The following SYNE1 variants were observed in gnomAD, a reference collection of about 807,000 sequenced individuals.
SYNE1 encodes the protein spectrin repeat containing nuclear envelope protein 1.
SYNE1 carries 616 observed loss-of-function variants against 1,111.0 expected under a neutral mutation model. The ratio of observed to expected loss-of-function variants is 0.55; its 90% CI spans 0.52 to 0.59. The LOEUF (loss-of-function observed/expected upper bound fraction) is 0.59, where lower values mean the gene tolerates loss of function less well. SYNE1 is among the 20% of genes least tolerant of loss of function. The probability of loss-of-function intolerance (pLI) is 0.00; values close to 1 mark genes in which losing one functional copy is unlikely to be tolerated. For synonymous variants in SYNE1, 3,855 were observed against 3,825.8 expected (o/e 1.01, Z -0.28); for missense variants, 10,006 against 10,417.0 (o/e 0.96, Z 1.72).
intron 131 of SYNE1, among the ~76,000 whole-genome samples, chr6:152,162,974 C>A (rs189372373): frequency 6.6e-6 from 1 of 152,046 alleles, no homozygotes; most frequent in African/African-American, 2.4e-5. Context: ...CTTAAATAGT[C>A]TGTAAAATGA....
chr6:152,130,062 C>T (rs531813074), intron 145 of SYNE1, among the ~76,000 whole-genome samples: 2 of 152,202 alleles, frequency 1.3e-5, no homozygotes, highest in African/African-American at 4.8e-5. Context: ...AGCTGTGAGT[C>T]GGCTCTCGGG....
rs140205050 is a variant in SYNE1 at position 152,526,437 on chromosome 6, T to C, written c.130-262A>G. 5.2e-3 allele frequency among the ~76,000 whole-genome samples: 793 copies of C among 152,332 alleles called. 8 individuals are homozygous for C. Among genetic ancestry groups the C allele is most frequent in the African/African-American group, 0.018 (743 of 41,578 alleles). On this transcript the variant is annotated intron_variant, in intron 4 of 145. Transcript: ENST00000367255. The stretch of plus-strand genomic sequence containing the variant: ...CTTAATGTATGTACCAGCTTCTTTC[T>C]AGAAAGTGATTTTTGACAAGGGCAG...
chr6:152,484,636 A>C (rs1198742461), intron 13 of SYNE1, among the ~76,000 whole-genome samples, 199 bp downstream of exon 13: 5 of 152,196 alleles, frequency 3.3e-5, no homozygotes, highest in Non-Finnish European at 5.9e-5. Context: ...AGGCAAGAAA[A>C]TAGCTGTTAA....
At chr6:152,257,319 G>C (rs968728398) in intron 101 of SYNE1, among the ~76,000 whole-genome samples, 2 of 152,138 alleles carry the variant, frequency 1.3e-5, no homozygotes, top group Non-Finnish European at 2.9e-5. Context: ...GATCATTTGA[G>C]GCCAGGAGTT....
At chr6:152,360,358 C>T (rs1452006564) in intron 64 of SYNE1, among the ~76,000 whole-genome samples, 4 of 152,148 alleles carry the variant, frequency 2.6e-5, no homozygotes, top group Non-Finnish European at 5.9e-5. Flanking sequence ...GCCCGAGGAC[C>T]TGCTTTTTAT....
At chr6:152,133,734 T>A (rs1395188434) in intron 142 of SYNE1, 1 of 557,374 alleles carries the variant, frequency 1.8e-6, no homozygotes, top group East Asian at 3.1e-5. Flanking sequence ...TCCACAGTAT[T>A]ATTGGAAGGT....
At chr6:152,472,081 C>A (rs2098808958) in intron 15 of SYNE1, 1 of 604,174 alleles carries the variant, frequency 1.7e-6, no homozygotes, top group Non-Finnish European at 2.9e-6. Context: ...GAAACCATTT[C>A]TGTGATTTCT....
intron 3 of SYNE1, among the ~76,000 whole-genome samples, chr6:152,561,417 A>T (rs2099394915): frequency 1.3e-5 from 2 of 152,310 alleles, no homozygotes; most frequent in South Asian, 4.1e-4. Context: ...GCATTGATGC[A>T]AAAAACTGAC....
At position 152,383,941 on chromosome 6, in the gene SYNE1, A is replaced by C. The variant is rs77348014; in HGVS notation, c.8652+1733T>G. Among the ~76,000 whole-genome samples the C allele has an allele frequency of 5.3e-4, 81 of 152,268 alleles. 1 individual carries two copies. The East Asian group carries it at 0.014, about 27-fold the overall frequency. The stretch of plus-strand genomic sequence containing the variant: ...TCCTCAGGTGGTAATAGTCCTGTGG[A>C]TTCTAGGCAAAGACTTGACCATCAT... On this transcript the variant is annotated intron_variant, in intron 55 of 145. Transcript: ENST00000367255.
At chr6:152,269,505 G>GT (rs1031361483) in intron 98 of SYNE1, among the ~76,000 whole-genome samples, 72 of 152,298 alleles carry the variant, frequency 4.7e-4, no homozygotes, top group African/African-American at 1.6e-3. Flanking sequence ...ACATAGAACT[G>GT]TTTGAGGGGA....
At position 152,262,135 on chromosome 6, in the gene SYNE1, G is replaced by C. The variant is rs773128965; in HGVS notation, c.18869C>G (p.Ser6290Cys). 1 of 1,613,838 alleles carries C rather than the reference G, an allele frequency of 6.2e-7. No individual in the cohort carries two copies. The highest frequency in any genetic ancestry group is 1.7e-5 in the Admixed American group (1 of 59,990). Residue 6290 changes from serine (S) to cysteine (C), a missense_variant, in exon 101 of 146, where the codon TCC (serine) becomes TGC (cysteine). Around this residue, in one of 7 missense-constraint regions of SYNE1, gnomAD observed 2,182 missense variants for 2,287.8 expected, o/e 0.95. Coordinates refer to ENST00000367255, the MANE Select transcript of SYNE1 (RefSeq NM_182961.4). ...QELGMEGEKS[S>C]AEDQMRMKWE... ...TTTCATTCTCATCTGGTCTTCAGCG[G>C]ATGATTTCTCCCCTTCCATCCCCAA...
Position 152,156,015 on chromosome 6 carries a change from T to C in SYNE1, c.23873A>G (p.Asp7958Gly). The C allele has an allele frequency of 6.2e-7, 1 of 1,614,176 alleles. No individual in the cohort carries two copies. The highest frequency in any genetic ancestry group is 8.5e-7 in the Non-Finnish European group (1 of 1,180,032). The stretch of plus-strand genomic sequence containing the variant: ...ACACTCGGCATCAGTGGCACAGGCG[T>C]CACAGTCGTGCAGCAGGACTTCACA... ...NLCEVLLHDC[D>G]ACATDAECDS... The change falls in exon 132 of 146, where the codon GAC becomes GGC. Residue 7958 changes from aspartate (D) to glycine (G), a missense_variant. Transcript: ENST00000367255.
At position 152,488,028 on chromosome 6, in the gene SYNE1, TCACGCCATTG is replaced by T. The variant is rs369606504; in HGVS notation, c.1047+358_1047+367del. Reference sequence around the variant, plus strand: ...AGGCAGAGCTTGCAGTGATCCAAGATCACGCCATTGCACTCTAGCCTGGGAGAGAGAGTGA... The same window carrying T: ...AGGCAGAGCTTGCAGTGATCCAAGATCACTCTAGCCTGGGAGAGAGAGTGA... On this transcript the variant is annotated intron_variant, in intron 12 of 145. Transcript: ENST00000367255. 9.7e-3 allele frequency among the ~76,000 whole-genome samples: 1,427 copies of T among 147,650 alleles called. 31 individuals are homozygous for T. Among genetic ancestry groups the T allele is most frequent in the African/African-American group, 0.035 (1,368 of 39,302 alleles).
intron 5 of SYNE1, among the ~76,000 whole-genome samples, chr6:152,523,321 C>T (rs1276556668): frequency 6.6e-6 from 1 of 152,032 alleles, no homozygotes; most frequent in Non-Finnish European, 1.5e-5. Context: ...GTCATTTCTT[C>T]AATCTACATT....
chr6:152,311,117 G>T lies in SYNE1; in HGVS notation c.16711-244C>A, dbSNP rs926303224. 7 of 537,054 alleles carry T rather than the reference G, an allele frequency of 1.3e-5. No homozygotes were observed. The African/African-American group carries it at 1.3e-4, about 10-fold the overall frequency. The allele number at this position is 537,054 out of a possible 1,614,324, so 33.3% of individuals were successfully genotyped here. A position where few individuals can be genotyped will look rare whatever the true frequency, so the allele number is the denominator to read the frequency against. On this transcript the variant is annotated intron_variant, in intron 87 of 145. Transcript: ENST00000367255. Reference sequence around the variant, plus strand: ...AGGTCACATGTCATACTACGTGTGGGACCATGAAGCTCCTGCTCGGTCAAG... The same window carrying T: ...AGGTCACATGTCATACTACGTGTGGTACCATGAAGCTCCTGCTCGGTCAAG...
At chr6:152,428,850 A>C (rs2154199253) in intron 36 of SYNE1, among the ~76,000 whole-genome samples, 1 of 152,260 alleles carries the variant, frequency 6.6e-6, no homozygotes, top group South Asian at 2.1e-4. Context: ...TACAGAAATC[A>C]AAAACGAAAA....
intron 130 of SYNE1, among the ~76,000 whole-genome samples, chr6:152,173,250 T>C (rs2065635514): frequency 6.6e-6 from 1 of 152,366 alleles, no homozygotes; most frequent in South Asian, 2.1e-4. Flanking sequence ...ATGTATGTAA[T>C]AGATTTGTTA....
chr6:152,123,055 G>A (rs2051941574), intron 145 of SYNE1, among the ~76,000 whole-genome samples: 4 of 152,136 alleles, frequency 2.6e-5, no homozygotes, highest in Admixed American at 2.6e-4. Flanking sequence ...GCATATTTTT[G>A]TTTTAAGAAT....
chr6:152,356,498 T>C (rs1482385545), intron 66 of SYNE1, among the ~76,000 whole-genome samples: 3 of 147,842 alleles, frequency 2.0e-5, no homozygotes, highest in Non-Finnish European at 4.5e-5. Flanking sequence ...AACATAAATG[T>C]GTGTATATAA....
Sources: gnomAD v4.1 joint callset for allele counts (sites outside exome capture counted in the v4.1 genomes callset) on GRCh38, gnomAD v4.1.1 for gene constraint, gnomAD v4.1.1 regional missense constraint, MANE v1.5 for transcripts, NCBI Gene and HGNC (gene_info 2026-07-23, HGNC 2026-07-21) for gene names.